The following SLC9C1 variants were observed in gnomAD, a reference collection of about 807,000 sequenced individuals.
SLC9C1 encodes the protein solute carrier family 9 member C1, also known as sodium/hydrogen exchanger 10.
SLC9C1 carries 97 observed loss-of-function variants against 140.9 expected under a neutral mutation model. The ratio of observed to expected loss-of-function variants is 0.69; its 90% CI spans 0.58 to 0.82. SLC9C1 has a LOEUF of 0.82. Ranked by LOEUF, SLC9C1 falls within the 40% of genes least tolerant of loss-of-function variation. SLC9C1 has a pLI of 0.00. For missense variants in SLC9C1, 1,340 were observed against 1,389.3 expected (o/e 0.96, Z 0.56); for synonymous variants, 440 against 442.6 (o/e 0.99, Z 0.07).
Position 112,263,021 on chromosome 3 carries a change from A to C in SLC9C1, c.1100T>G (p.Met367Arg), listed in dbSNP as rs1482513705. The C allele has an allele frequency of 6.2e-7, 1 of 1,607,966 alleles. No homozygotes were observed. Among genetic ancestry groups the C allele is most frequent in the South Asian group, 1.1e-5 (1 of 90,120 alleles). The change falls in exon 10 of 29, where the codon ATG (methionine) becomes AGG (arginine). Residue 367 changes from methionine to arginine, a missense_variant. Coordinates refer to ENST00000305815, the MANE Select transcript of SLC9C1 (RefSeq NM_183061.3). ...CATCCCCTTCATTTCACTACAGACC[A>C]TTATGAATATCCAGCGCCAACTGAA... is the stretch of plus-strand genomic sequence containing the variant. ...HEFSWRWIFI[M>R]VCSEMKGMPN...
intron 28 of SLC9C1, among the ~76,000 whole-genome samples, 180 bp from the exon 29 acceptor site, chr3:112,141,461 CAT>C (rs1408363519): frequency 2.6e-5 from 4 of 152,072 alleles, no homozygotes; most frequent in African/African-American, 9.7e-5. Flanking sequence ...CCTTGTCACT[CAT>C]AGAGTGGTGG....
At chr3:112,182,077 T>G (rs2077449265) in intron 21 of SLC9C1, 56 bp downstream of exon 21, 13 of 1,207,740 alleles carry the variant, frequency 1.1e-5, no homozygotes, top group Non-Finnish European at 1.4e-5. Context: ...ATTCTTATTT[T>G]AAAGATTATT....
At chr3:112,143,451 A>G (rs757680455) in intron 28 of SLC9C1, among the ~76,000 whole-genome samples, 1 of 152,112 alleles carries the variant, frequency 6.6e-6, no homozygotes, top group Non-Finnish European at 1.5e-5. Flanking sequence ...GTGAGGTAGT[A>G]TCTCATTGTG....
chr3:112,164,704 CT>C (rs1434727334), intron 26 of SLC9C1, among the ~76,000 whole-genome samples: 17 of 151,856 alleles, frequency 1.1e-4, no homozygotes, highest in Middle Eastern at 3.4e-3. Context: ...CTGTCGTTAA[CT>C]TTTTTTCCTT....
chr3:112,208,452 T>G (rs1381752754), intron 15 of SLC9C1, 79 bp from the exon 16 acceptor site: 1 of 1,000,534 alleles, frequency 1.0e-6, no homozygotes, highest in African/African-American at 1.6e-5. Context: ...TCTGTTCTAC[T>G]TATCAACAGC....
chr3:112,268,687 T>G lies in SLC9C1; in HGVS notation c.775+1229A>C, dbSNP rs141745381. ...TCTATATGATATAAAATGTCGTGATTAATCTAACCATTTTTTCTTTTAAAA... is the reference window on the plus strand; with the variant it reads ...TCTATATGATATAAAATGTCGTGATGAATCTAACCATTTTTTCTTTTAAAA... On this transcript the variant is annotated intron_variant, in intron 7 of 28. Transcript: ENST00000305815. 6.4e-3 allele frequency among the ~76,000 whole-genome samples: 972 copies of G among 152,348 alleles called. 7 individuals carry two copies. Among genetic ancestry groups the G allele is most frequent in the South Asian group, 0.04 (195 of 4,824 alleles).
At chr3:112,265,757 C>T (rs1014546530) in intron 8 of SLC9C1, among the ~76,000 whole-genome samples, 7 of 152,110 alleles carry the variant, frequency 4.6e-5, no homozygotes, top group African/African-American at 1.4e-4. Flanking sequence ...TTTTATAACA[C>T]TGCTAATCCT....
rs193079074 is a variant in SLC9C1, at chr3:112,264,457, C to T, written c.879-114G>A. 9.7e-5 allele frequency: 47 copies of T among 486,298 alleles called. No homozygotes were observed. The East Asian group carries it at 2.1e-3, about 22-fold the overall frequency. The allele number at this position is 486,298 out of a possible 1,614,324, so 30.1% of individuals were successfully genotyped here. On this transcript the variant is annotated intron_variant, in intron 8 of 28. Transcript: ENST00000305815. The stretch of plus-strand genomic sequence containing the variant: ...AATGATTACCAAAAAATGAATAAAA[C>T]ATTTACAAACAACTTTGACTTGTAG...
At chr3:112,207,088 G>A (rs1217086101) in intron 16 of SLC9C1, among the ~76,000 whole-genome samples, 1 of 152,070 alleles carries the variant, frequency 6.6e-6, no homozygotes, top group Non-Finnish European at 1.5e-5. Context: ...AAATACTGAA[G>A]CATCTATTCG....
At position 112,217,569 on chromosome 3, in the gene SLC9C1, AAG is replaced by A. The variant is rs778788002; in HGVS notation, c.1671-10_1671-9del. On this transcript the variant is annotated splice_polypyrimidine_tract_variant and intron_variant, in intron 14 of 28. Transcript: ENST00000305815. ...GTATCAAGACTCATACATCTAGAAA[AAG>A]AGAGAAATCTTTAAACATGCTTTAA... is the stretch of plus-strand genomic sequence containing the variant. 4 of 1,564,748 alleles carry A rather than the reference AAG, an allele frequency of 2.6e-6. No individual in the cohort carries two copies. Among genetic ancestry groups the A allele is most frequent in the South Asian group, 1.2e-5 (1 of 83,072 alleles).
intron 4 of SLC9C1, 152 bp downstream of exon 4, chr3:112,278,577 G>T: frequency 1.4e-6 from 1 of 718,288 alleles, no homozygotes; most frequent in Non-Finnish European, 2.1e-6. Context: ...CCAAGATATG[G>T]CTTATTCACT....
chr3:112,200,897 C>A, intron 18 of SLC9C1, 135 bp from the exon 19 acceptor site: 1 of 743,212 alleles, frequency 1.3e-6, no homozygotes, highest in South Asian at 2.0e-5. Flanking sequence ...TTCAGGGGTT[C>A]GAATTGAATT....
chr3:112,207,761 T>C (rs2078096243), intron 16 of SLC9C1, among the ~76,000 whole-genome samples: 1 of 152,168 alleles, frequency 6.6e-6, no homozygotes, highest in Non-Finnish European at 1.5e-5. Flanking sequence ...CCGACCCTAC[T>C]ATTCTGCATA....
At chr3:112,205,828 T>C (rs2078031468) in intron 16 of SLC9C1, among the ~76,000 whole-genome samples, 1 of 135,302 alleles carries the variant, frequency 7.4e-6, no homozygotes, top group Admixed American at 8.0e-5. Context: ...GGATCCCTTC[T>C]TTACACCTTA....
intron 16 of SLC9C1, 117 bp from the exon 17 acceptor site, chr3:112,204,520 A>C: frequency 8.8e-7 from 1 of 1,140,758 alleles, no homozygotes; most frequent in Non-Finnish European, 1.2e-6. Context: ...ACATGTATGA[A>C]ATATCCTCAG....
chr3:112,158,446 T>A (rs536362107), intron 26 of SLC9C1, among the ~76,000 whole-genome samples: 1 of 152,170 alleles, frequency 6.6e-6, no homozygotes, highest in South Asian at 2.1e-4. Context: ...GATTTTTGCA[T>A]CTCTGTTGAT....
intron 20 of SLC9C1, among the ~76,000 whole-genome samples, chr3:112,189,417 G>A (rs976606945): frequency 9.2e-5 from 14 of 152,194 alleles, no homozygotes; most frequent in African/African-American, 2.9e-4. Flanking sequence ...TAAGATGTAA[G>A]GAAGGGATCC....
At chr3:112,235,755 A>G (rs1322220167) in intron 12 of SLC9C1, among the ~76,000 whole-genome samples, 2 of 152,198 alleles carry the variant, frequency 1.3e-5, no homozygotes, top group Non-Finnish European at 2.9e-5. Context: ...GGTTCTGTTT[A>G]TATGCTGGAT....
chr3:112,142,411 A>G (rs929621307), intron 28 of SLC9C1, among the ~76,000 whole-genome samples: 21 of 152,196 alleles, frequency 1.4e-4, no homozygotes, highest in Non-Finnish European at 1.3e-4. Context: ...TGTTGTACAC[A>G]TTAGTCCAAA....
Sources: allele counts gnomAD v4.1 joint callset (sites outside exome capture counted in the v4.1 genomes callset), GRCh38; gene constraint gnomAD v4.1.1; transcripts MANE v1.5; gene names NCBI Gene and HGNC (gene_info 2026-07-23, HGNC 2026-07-21).